AGBL1: variants seen among roughly 807,000 people sequenced by gnomAD.
AGBL1 encodes cytosolic carboxypeptidase 4.
In AGBL1, 130 loss-of-function variants were observed where a neutral mutation model predicts 118.9. The ratio of observed to expected loss-of-function variants is 1.09; its 90% CI spans 0.95 to 1.26. The LOEUF (loss-of-function observed/expected upper bound fraction) is 1.26, where lower values mean the gene tolerates loss of function less well. AGBL1 is among the 50% of genes most tolerant of loss of function. The pLI, the probability that AGBL1 is intolerant of heterozygous loss-of-function variation, is 0.00. For synonymous variants in AGBL1, 555 were observed against 478.9 expected (o/e 1.16, Z -2.08); for missense variants, 1,584 against 1,298.1 (o/e 1.22, Z -3.38).
At chr15:86,539,484 C>G (rs932916078) in intron 19 of AGBL1, among the ~76,000 whole-genome samples, 1 of 152,274 alleles carries the variant, frequency 6.6e-6, no homozygotes, top group South Asian at 2.1e-4. Context: ...TTCTAATGAT[C>G]TGATCATCTT....
At chr15:86,633,947 AT>A (rs201922659) in intron 21 of AGBL1, among the ~76,000 whole-genome samples, 1,887 of 150,828 alleles carry the variant, frequency 0.013, 32 homozygotes, top group African/African-American at 0.037. Context: ...AGTGAGGTGA[AT>A]GCTCAAATGC....
At chr15:86,454,548 T>C (rs2082237216) in intron 18 of AGBL1, among the ~76,000 whole-genome samples, 1 of 152,120 alleles carries the variant, frequency 6.6e-6, no homozygotes, top group African/African-American at 2.4e-5. Context: ...ATCCATGCAA[T>C]GAAATACTAT....
chr15:86,851,695 G>A (rs1395814343), intron 22 of AGBL1, among the ~76,000 whole-genome samples: 1 of 152,160 alleles, frequency 6.6e-6, no homozygotes, highest in Non-Finnish European at 1.5e-5. Context: ...CCTAGGCATG[G>A]GCAGTAGCAG....
At chr15:86,139,345 G>C (rs2141635806) in intron 1 of AGBL1, among the ~76,000 whole-genome samples, 1 of 152,228 alleles carries the variant, frequency 6.6e-6, no homozygotes, top group East Asian at 1.9e-4. Flanking sequence ...GCATTGCAGA[G>C]ATCCCTTAGA....
intron 21 of AGBL1, among the ~76,000 whole-genome samples, chr15:86,557,971 A>G (rs565949833): frequency 1.3e-5 from 2 of 152,246 alleles, no homozygotes; most frequent in South Asian, 2.1e-4. Context: ...TGCAATGGGT[A>G]GAGCTGGAAA....
intron 22 of AGBL1, among the ~76,000 whole-genome samples, chr15:86,699,639 A>C (rs2086322165): frequency 6.6e-6 from 1 of 151,980 alleles, no homozygotes; most frequent in African/African-American, 2.4e-5. Context: ...TTTTGATTAA[A>C]TTTAGCTTAT....
At chr15:86,369,148 A>G (rs1286778893) in intron 17 of AGBL1, among the ~76,000 whole-genome samples, 1 of 152,206 alleles carries the variant, frequency 6.6e-6, no homozygotes, top group African/African-American at 2.4e-5. Context: ...ACAAGAGATG[A>G]CAGGCATGTT....
intron 22 of AGBL1, among the ~76,000 whole-genome samples, chr15:86,679,175 G>A (rs922192956): frequency 7.9e-5 from 12 of 152,100 alleles, no homozygotes; most frequent in Non-Finnish European, 7.4e-5. Context: ...GGTCTATTGA[G>A]TGCTCGTCTA....
At chr15:86,724,235 CAAAA>C (rs1204898095) in intron 22 of AGBL1, among the ~76,000 whole-genome samples, 2 of 73,838 alleles carry the variant, frequency 2.7e-5, no homozygotes, top group African/African-American at 1.1e-4. Flanking sequence ...GACTCCATCT[CAAAA>C]AAAAAAAAAA....
chr15:86,623,989 A>G (rs2084848610), intron 21 of AGBL1, among the ~76,000 whole-genome samples: 1 of 152,254 alleles, frequency 6.6e-6, no homozygotes, highest in Non-Finnish European at 1.5e-5. Context: ...AATAAAAGCA[A>G]GCATAAAAAA....
chr15:86,840,619 A>G (rs2079231670), intron 22 of AGBL1, among the ~76,000 whole-genome samples: 1 of 151,854 alleles, frequency 6.6e-6, no homozygotes, highest in Non-Finnish European at 1.5e-5. Context: ...CTAATTTTGT[A>G]TTTTTAGTAC....
intron 22 of AGBL1, among the ~76,000 whole-genome samples, chr15:86,731,867 G>A (rs182750720): frequency 5.1e-4 from 77 of 152,318 alleles, no homozygotes; most frequent in Non-Finnish European, 7.9e-4. Context: ...TGTGCCCCAG[G>A]GAACTGGCTT....
chr15:87,018,686 G>A (rs2081631967), intron 24 of AGBL1, among the ~76,000 whole-genome samples: 1 of 151,866 alleles, frequency 6.6e-6, no homozygotes, highest in African/African-American at 2.4e-5. Context: ...ACAGAACAGT[G>A]ACACTATGAA....
chr15:86,382,542 CG>C lies in AGBL1; in HGVS notation c.2375-14823del, dbSNP rs142344807. Among the ~76,000 whole-genome samples the C allele has an allele frequency of 2.1e-3, 314 of 152,064 alleles. 10 individuals are homozygous for C. In the East Asian group the frequency reaches 0.055, roughly 26 times the overall value. ...GGTGAATACATTTAAACGGCTTAAA[CG>C]TAAAAGGCCGGTTGCCCAGCAACTG... On this transcript the variant is annotated intron_variant, in intron 17 of 22. Transcript: ENST00000614907.
At chr15:86,566,133 G>C (rs1043317547) in intron 21 of AGBL1, among the ~76,000 whole-genome samples, 2 of 145,164 alleles carry the variant, frequency 1.4e-5, no homozygotes, top group Admixed American at 6.7e-5. Context: ...TGCACTCACT[G>C]TCCTGCACCC....
intron 22 of AGBL1, among the ~76,000 whole-genome samples, chr15:86,904,384 T>C (rs1297414849): frequency 6.6e-6 from 1 of 150,668 alleles, no homozygotes; most frequent in Non-Finnish European, 1.5e-5. Context: ...TGAAGGAAAT[T>C]AGGAAGAGGA....
At chr15:86,288,953 A>C (rs2079500612) in intron 16 of AGBL1, among the ~76,000 whole-genome samples, 1 of 152,136 alleles carries the variant, frequency 6.6e-6, no homozygotes, top group Non-Finnish European at 1.5e-5. Flanking sequence ...ATCCCATTTA[A>C]TGCACTTGAT....
intron 6 of AGBL1, among the ~76,000 whole-genome samples, chr15:86,230,588 C>T (rs2078440182): frequency 6.6e-6 from 1 of 152,180 alleles, no homozygotes; most frequent in South Asian, 2.1e-4. Flanking sequence ...CAAAGTTTTG[C>T]CCACAGAGTG....
chr15:86,825,881 A>G (rs961938632), intron 22 of AGBL1, among the ~76,000 whole-genome samples: 2 of 120,010 alleles, frequency 1.7e-5, no homozygotes, highest in African/African-American at 3.0e-5. Flanking sequence ...CAGATGATAG[A>G]TGGATGGATA....
Sources: allele counts gnomAD v4.1 joint callset (sites outside exome capture counted in the v4.1 genomes callset), GRCh38; gene constraint gnomAD v4.1.1; transcripts MANE v1.5; gene names NCBI Gene and HGNC (gene_info 2026-07-23, HGNC 2026-07-21).